MYO1C: variants seen among roughly 807,000 people sequenced by gnomAD.
MYO1C encodes the protein myosin IC, also known as unconventional myosin-Ic.
A neutral mutation model predicts 150.8 loss-of-function variants in MYO1C; 104 were observed. The ratio of observed to expected loss-of-function variants is 0.69; its 90% CI spans 0.59 to 0.81. The LOEUF (loss-of-function observed/expected upper bound fraction) is 0.81. Among genes scored for constraint, MYO1C ranks in the 30% least tolerant of loss-of-function variants. The probability of loss-of-function intolerance (pLI) is 0.00; values close to 1 mark genes in which losing one functional copy is unlikely to be tolerated. For missense variants in MYO1C, 1,504 were observed against 1,435.0 expected, an observed-to-expected ratio of 1.05 and a Z score of -0.78; for synonymous variants, 663 against 579.9, an observed-to-expected ratio of 1.14 and a Z score of -2.06.
intron 1 of MYO1C, among the ~76,000 whole-genome samples, chr17:1,486,663 G>C (rs2074662424): frequency 6.6e-6 from 1 of 152,136 alleles, no homozygotes; most frequent in South Asian, 2.1e-4. Context: ...TTACAGGCGT[G>C]CGCCACCACA....
chr17:1,474,774 T>TGCCCC, intron 16 of MYO1C, 38 bp downstream of exon 16: 4 of 1,597,356 alleles, frequency 2.5e-6, no homozygotes, highest in African/African-American at 1.3e-5. Context: ...CTGTGGGCTA[T>TGCCCC]CCCCACCCCC....
Position 1,475,142 on chromosome 17 carries a change from C to G in MYO1C, c.1575-110G>C, listed in dbSNP as rs546966332. 5 of 1,087,198 alleles carry G rather than the reference C, an allele frequency of 4.6e-6. No individual in the cohort carries two copies. The African/African-American group carries it at 6.2e-5, about 14-fold the overall frequency. The allele number at this position is 1,087,198 out of a possible 1,614,324, so 67.3% of individuals were successfully genotyped here. A position where few individuals can be genotyped will look rare whatever the true frequency, so the allele number is the denominator to read the frequency against. ...CCAGCTGCCCAGGTGCACCCCAGGCCGGGCACAGTGGCTCACGGCTGTAAT... is the reference window on the plus strand; with the variant it reads ...CCAGCTGCCCAGGTGCACCCCAGGCGGGGCACAGTGGCTCACGGCTGTAAT... On this transcript the variant is annotated intron_variant, in intron 14 of 31. Transcript: ENST00000648651.
chr17:1,469,410 G>C, intron 25 of MYO1C, 121 bp downstream of exon 25: 1 of 976,206 alleles, frequency 1.0e-6, no homozygotes, highest in South Asian at 1.4e-5. Context: ...GGGTAAATAC[G>C]GTAGAACGCG....
intron 24 of MYO1C, 149 bp downstream of exon 24, chr17:1,470,026 C>CA (rs535565714): frequency 0.012 from 8,733 of 714,640 alleles, 12 homozygotes; most frequent in African/African-American, 0.026. Context: ...GACTCCATCT[C>CA]AAAAAAAAAA....
intron 1 of MYO1C, among the ~76,000 whole-genome samples, chr17:1,489,420 A>G (rs894647106): frequency 6.6e-6 from 1 of 152,176 alleles, no homozygotes; most frequent in Non-Finnish European, 1.5e-5. Context: ...CACACCTGTA[A>G]CCCCAGAACT....
intron 1 of MYO1C, chr17:1,485,739 C>T (rs984254855): frequency 5.3e-6 from 6 of 1,129,700 alleles, no homozygotes; most frequent in African/African-American, 1.6e-5. Context: ...GCGCCCGCTC[C>T]GCTGCCCGCG....
chr17:1,483,708 G>C lies in MYO1C; in HGVS notation c.249C>G (p.Val83=), dbSNP rs147453285. 1,856 of 1,612,250 alleles carry C rather than the reference G, an allele frequency of 1.2e-3. 4 individuals carry two copies. Among genetic ancestry groups the C allele is most frequent in the Non-Finnish European group, 1.4e-3 (1,674 of 1,179,328 alleles). ...ENLIYTYIGP[V]LVSVNPYRDL... ...CCCGGTAGGGATTGACAGAGACCAG[G>C]ACGGGGCCAATGTAGGTCTGGGATC... Residue 83 remains valine, a synonymous_variant, in exon 3 of 32, where the codon GTC becomes GTG. Coordinates refer to ENST00000648651, the MANE Select transcript of MYO1C (RefSeq NM_001080779.2).
In MYO1C at chr17:1,467,519, C is replaced by G; in HGVS notation, c.3026G>C (p.Ser1009Thr). Residue 1009 changes from serine (S) to threonine (T), a missense_variant, in exon 30 of 32, where the codon AGT (serine) becomes ACT (threonine). Physicochemically the swap from Ser to Thr is moderately conservative, Grantham distance 58. Transcript: ENST00000648651. ...GTTGATGCTGTTCACGCGGTTGGCA[C>G]TGAGGGCTGTCTTGGTCAGCGTCTC... The part of the protein sequence containing the change: ...VIETLTKTAL[S>T]ANRVNSININ... 1 of 1,613,684 alleles carries G rather than the reference C, an allele frequency of 6.2e-7. No homozygotes were observed. The highest frequency in any genetic ancestry group is 8.5e-7 in the Non-Finnish European group (1 of 1,179,960).
intron 17 of MYO1C, among the ~76,000 whole-genome samples, chr17:1,472,851 C>CTAAG (rs774387900): frequency 1.0e-4 from 15 of 150,448 alleles, no homozygotes; most frequent in Admixed American, 3.9e-4. Flanking sequence ...GGGGGAGCTG[C>CTAAG]TAAGTACTCC....
chr17:1,485,543 G>T, intron 1 of MYO1C: 1 of 575,234 alleles, frequency 1.7e-6, no homozygotes, highest in Non-Finnish European at 2.3e-6. Context: ...CGCCCTCCCC[G>T]CCTCGGCCTC....
At position 1,484,314 on chromosome 17, in the gene MYO1C, T is replaced by C. The variant is rs1287422489; in HGVS notation, c.76-11A>G. ...GTCACTGCCCAGGGCCTGCAGAGAA[T>C]GGGCCACAGAAGAGGGTCAGAGTCA... On this transcript the variant is annotated splice_polypyrimidine_tract_variant and intron_variant, in intron 1 of 31. Transcript: ENST00000648651. 8 of 1,608,008 alleles carry C rather than the reference T, an allele frequency of 5.0e-6. No individual in the cohort carries two copies. Among genetic ancestry groups the C allele is most frequent in the Non-Finnish European group, 6.8e-6 (8 of 1,179,978 alleles).
Position 1,484,347 on chromosome 17 carries a change from C to T in MYO1C, c.76-44G>A, listed in dbSNP as rs202002971. 111 of 1,599,608 alleles carry T rather than the reference C, an allele frequency of 6.9e-5. 1 individual carries two copies. The Admixed American group carries it at 1.5e-3, about 21-fold the overall frequency. The stretch of plus-strand genomic sequence containing the variant: ...AGAAGAGGGTCAGAGTCATCGGGGG[C>T]GGGGCAAGGCCACTTCCCTGCGCCT... On this transcript the variant is annotated intron_variant, in intron 1 of 31. Transcript: ENST00000648651.
intron 24 of MYO1C, among the ~76,000 whole-genome samples, chr17:1,469,904 G>GGGC (rs1157983241): frequency 8.5e-5 from 13 of 152,050 alleles, no homozygotes; most frequent in Non-Finnish European, 1.8e-4. Context: ...GCGTAGTGGC[G>GGGC]GGCGCCTGTA....
intron 17 of MYO1C, 35 bp from the exon 18 acceptor site, chr17:1,472,263 G>A (rs1487515186): frequency 1.3e-6 from 2 of 1,594,490 alleles, no homozygotes; most frequent in Non-Finnish European, 8.6e-7. Context: ...GTTGGCCGGA[G>A]CTGGGCTAAA....
At chr17:1,467,050 G>A (rs1274255523) in intron 31 of MYO1C, among the ~76,000 whole-genome samples, 192 bp downstream of exon 31, 2 of 152,204 alleles carry the variant, frequency 1.3e-5, no homozygotes, top group African/African-American at 2.4e-5. Flanking sequence ...GAGCCACCGT[G>A]CTGCCACCTT....
At chr17:1,481,800 C>A (rs1205738163) in intron 5 of MYO1C, among the ~76,000 whole-genome samples, 19 of 150,424 alleles carry the variant, frequency 1.3e-4, no homozygotes, top group African/African-American at 4.7e-4. Context: ...CTCACCCAGC[C>A]CGATGACTCC....
intron 18 of MYO1C, 42 bp downstream of exon 18, chr17:1,472,081 A>G (rs201499693): frequency 1.4e-5 from 22 of 1,612,974 alleles, no homozygotes; most frequent in Non-Finnish European, 1.9e-5. Flanking sequence ...TGTCTCCTGC[A>G]GGGGAGGCCC....
At chr17:1,471,379 C>T (rs1025235910) in intron 19 of MYO1C, 43 bp from the exon 20 acceptor site, 1 of 1,558,846 alleles carries the variant, frequency 6.4e-7, no homozygotes, top group African/African-American at 1.4e-5. Flanking sequence ...AGTCAGCAGC[C>T]TGCCCTGGGG....
intron 1 of MYO1C, chr17:1,485,700 C>A (rs1415057182): frequency 8.3e-7 from 1 of 1,200,172 alleles, no homozygotes; most frequent in Non-Finnish European, 1.0e-6. Context: ...TCACCGACGC[C>A]CGGTAGCGCA....
Sources: allele counts gnomAD v4.1 joint callset (sites outside exome capture counted in the v4.1 genomes callset), GRCh38; gene constraint gnomAD v4.1.1; transcripts MANE v1.5; gene names NCBI Gene and HGNC (gene_info 2026-07-23, HGNC 2026-07-21).